The following RBFOX2 variants were observed in gnomAD, a reference collection of about 807,000 sequenced individuals.
RBFOX2 encodes RNA binding protein fox-1 homolog 2.
In RBFOX2, 10 loss-of-function variants were observed where a neutral mutation model predicts 49.1. The ratio of observed to expected loss-of-function variants is 0.20; its 90% CI spans 0.13 to 0.35. The LOEUF (loss-of-function observed/expected upper bound fraction) is 0.35, where lower values mean the gene tolerates loss of function less well. RBFOX2 is among the 10% of genes least tolerant of loss of function. The probability of loss-of-function intolerance (pLI) is 1.00; values close to 1 mark genes in which losing one functional copy is unlikely to be tolerated. For missense variants in RBFOX2, 323 were observed against 486.9 expected, an observed-to-expected ratio of 0.66 and a Z score of 3.17; for synonymous variants, 183 against 187.4, an observed-to-expected ratio of 0.98 and a Z score of 0.19.
chr22:35,750,210 A>T (rs1176924800), intron 9 of RBFOX2, among the ~76,000 whole-genome samples: 1 of 152,206 alleles, frequency 6.6e-6, no homozygotes, highest in Non-Finnish European at 1.5e-5. Flanking sequence ...AGAAGGGAAC[A>T]GAGACTCCAC....
chr22:35,855,246 A>G (rs1654586548), intron 1 of RBFOX2, among the ~76,000 whole-genome samples: 1 of 152,222 alleles, frequency 6.6e-6, no homozygotes, highest in African/African-American at 2.4e-5. Flanking sequence ...TTATTGGCTG[A>G]TGATGCCAAT....
At chr22:35,899,576 A>AAAAG (rs1190346516) in intron 1 of RBFOX2, among the ~76,000 whole-genome samples, 1 of 151,886 alleles carries the variant, frequency 6.6e-6, no homozygotes, top group African/African-American at 2.4e-5. Flanking sequence ...CAAAAAAAAA[A>AAAAG]AAAGAAAGAA....
intron 1 of RBFOX2, among the ~76,000 whole-genome samples, chr22:35,983,683 T>A (rs748324874): frequency 6.6e-6 from 1 of 152,212 alleles, no homozygotes; most frequent in Non-Finnish European, 1.5e-5. Context: ...AAGACCTGTA[T>A]CTAATTTGTC....
intron 1 of RBFOX2, among the ~76,000 whole-genome samples, chr22:36,024,137 T>C (rs1051661096): frequency 2.0e-5 from 3 of 152,222 alleles, no homozygotes; most frequent in Non-Finnish European, 2.9e-5. Flanking sequence ...ACCCTCACTC[T>C]GGAATTTCAC....
intron 9 of RBFOX2, 147 bp downstream of exon 11, chr22:35,755,958 T>A (rs1026605789): frequency 2.2e-5 from 4 of 183,054 alleles, no homozygotes; most frequent in East Asian, 1.5e-4. Flanking sequence ...AATATATAAA[T>A]ATATATATAT....
At chr22:35,999,381 C>T (rs867552469) in intron 1 of RBFOX2, 2 of 57,312 alleles carry the variant, frequency 3.5e-5, no homozygotes, top group African/African-American at 8.3e-5. Context: ...CCTGTCTCTA[C>T]AAAAAAAAAA....
At chr22:35,946,072 G>C (rs1017484924) in intron 1 of RBFOX2, among the ~76,000 whole-genome samples, 9 of 152,030 alleles carry the variant, frequency 5.9e-5, no homozygotes, top group Non-Finnish European at 1.2e-4. Context: ...GATTTACTGG[G>C]TTCTTGAAGA....
intron 1 of RBFOX2, among the ~76,000 whole-genome samples, chr22:35,990,372 G>A (rs145600414): frequency 1.8e-3 from 275 of 152,220 alleles, no homozygotes; most frequent in African/African-American, 5.7e-3. Flanking sequence ...CGACAAAGTC[G>A]AAACAAGACA....
chr22:35,986,934 AAT>A (rs891701274), intron 1 of RBFOX2, among the ~76,000 whole-genome samples: 2 of 152,112 alleles, frequency 1.3e-5, no homozygotes, highest in Non-Finnish European at 2.9e-5. Context: ...TTCACTGGAA[AAT>A]AGAGTTTTGT....
chr22:35,855,467 C>T (rs1004870756), intron 1 of RBFOX2, among the ~76,000 whole-genome samples: 1 of 152,056 alleles, frequency 6.6e-6, no homozygotes, highest in African/African-American at 2.4e-5. Context: ...AGTGCTATGG[C>T]ACAATCTCAG....
intron 1 of RBFOX2, among the ~76,000 whole-genome samples, chr22:35,883,261 T>C (rs2046158065): frequency 6.6e-6 from 1 of 152,210 alleles, no homozygotes; most frequent in Admixed American, 6.5e-5. Flanking sequence ...TCTTTTCCTG[T>C]TCAGTCCTAG....
chr22:35,926,514 C>A (rs1415182722), intron 1 of RBFOX2, among the ~76,000 whole-genome samples: 1 of 152,120 alleles, frequency 6.6e-6, no homozygotes, highest in Non-Finnish European at 1.5e-5. Context: ...TATGATCCAT[C>A]CATTAACAAA....
chr22:36,027,336 T>A (rs575318724), intron 1 of RBFOX2, among the ~76,000 whole-genome samples: 8 of 152,094 alleles, frequency 5.3e-5, no homozygotes, highest in Non-Finnish European at 1.2e-4. Context: ...GTGAGACTCA[T>A]CATGTCATAG....
rs768507386 is a variant in RBFOX2, at chr22:35,767,158, G to T, written c.546+1099C>A. On this transcript the variant is annotated intron_variant, in intron 5 of 11. Transcript: ENST00000405409. ...AGTCAGTAATCAAACAGCTCAGACC[G>T]CTACAAAACAATATGTACATCCAAA... is the stretch of plus-strand genomic sequence containing the variant. Among the ~76,000 whole-genome samples the T allele has an allele frequency of 2.0e-5, 3 of 151,972 alleles. No individual in the cohort carries two copies. The East Asian group carries it at 5.8e-4, about 29-fold the overall frequency.
chr22:35,951,925 T>A (rs1569509047), intron 1 of RBFOX2, among the ~76,000 whole-genome samples: 1 of 152,214 alleles, frequency 6.6e-6, no homozygotes, highest in Admixed American at 6.5e-5. Flanking sequence ...ACGTAGCAGG[T>A]CTGACTGCTA....
chr22:35,923,545 A>T (rs1051915204), intron 1 of RBFOX2, among the ~76,000 whole-genome samples: 2 of 151,982 alleles, frequency 1.3e-5, no homozygotes, highest in East Asian at 3.9e-4. Context: ...CTAACTTCCA[A>T]ATCTTTTCTA....
At chr22:35,894,380 G>A (rs1349350355) in intron 1 of RBFOX2, among the ~76,000 whole-genome samples, 1 of 152,084 alleles carries the variant, frequency 6.6e-6, no homozygotes, top group African/African-American at 2.4e-5. Context: ...GCTTATGAAA[G>A]CTTATTCCTA....
upstream of RBFOX2, among the ~76,000 whole-genome samples, chr22:35,963,648 G>A (rs1254639840): frequency 6.6e-6 from 1 of 152,100 alleles, no homozygotes; most frequent in Non-Finnish European, 1.5e-5. Flanking sequence ...TGACTCAAAC[G>A]TACATTAAGA....
intron 11 of RBFOX2, 122 bp downstream of exon 13, chr22:35,745,801 G>A: frequency 1.0e-6 from 1 of 958,634 alleles, no homozygotes; most frequent in South Asian, 1.6e-5. Flanking sequence ...AGATCTATGT[G>A]GCTTTAATAC....
Sources: gnomAD v4.1 joint callset for allele counts (sites outside exome capture counted in the v4.1 genomes callset) on GRCh38, gnomAD v4.1.1 for gene constraint, MANE v1.5 for transcripts, NCBI Gene and HGNC (gene_info 2026-07-23, HGNC 2026-07-21) for gene names.